The following PDZD2 variants were observed in gnomAD, a reference collection of about 807,000 sequenced individuals.
The protein encoded by PDZD2 is PDZ domain-containing protein 2.
A neutral mutation model predicts 220.7 loss-of-function variants in PDZD2; 90 were observed. The ratio of observed to expected loss-of-function variants is 0.41; its 90% CI spans 0.34 to 0.49. The LOEUF (loss-of-function observed/expected upper bound fraction) is 0.49, where lower values mean the gene tolerates loss of function less well. PDZD2 is among the 20% of genes least tolerant of loss of function. The pLI is 0.28. For synonymous variants in PDZD2, 1,375 were observed against 1,450.5 expected (o/e 0.95, Z 1.18); for missense variants, 3,174 against 3,608.5 (o/e 0.88, Z 3.08).
intron 2 of PDZD2, among the ~76,000 whole-genome samples, chr5:31,942,503 T>C (rs1044426984): frequency 6.6e-6 from 1 of 152,150 alleles, no homozygotes; most frequent in Non-Finnish European, 1.5e-5. Flanking sequence ...AAAGTTTCAC[T>C]CTATTGCCCA....
chr5:31,647,881 A>G (rs1001850798), intron 1 of PDZD2, among the ~76,000 whole-genome samples: 3 of 152,178 alleles, frequency 2.0e-5, no homozygotes, highest in Non-Finnish European at 2.9e-5. Context: ...CACAGCCAGG[A>G]GTTGGTAGAA....
chr5:31,657,877 A>G (rs1236775021), intron 1 of PDZD2, among the ~76,000 whole-genome samples: 1 of 152,202 alleles, frequency 6.6e-6, no homozygotes, highest in African/African-American at 2.4e-5. Context: ...ATGTACAGGA[A>G]AGATAATAGC....
chr5:31,746,618 C>A (rs1197554635), intron 1 of PDZD2, among the ~76,000 whole-genome samples: 1 of 152,190 alleles, frequency 6.6e-6, no homozygotes, highest in Non-Finnish European at 1.5e-5. Context: ...ACAACAGGAG[C>A]AAACAAGTAC....
intron 1 of PDZD2, among the ~76,000 whole-genome samples, chr5:31,772,429 A>G (rs1484251996): frequency 6.6e-6 from 1 of 152,212 alleles, no homozygotes; most frequent in Non-Finnish European, 1.5e-5. Context: ...CAGGAATAAG[A>G]ACCCCTTCCC....
rs1168595186 is a variant in PDZD2, at chr5:32,098,571, C to G, written c.8155C>G (p.Pro2719Ala). 1 of 1,614,072 alleles carries G rather than the reference C, an allele frequency of 6.2e-7. No individual in the cohort carries two copies. The highest frequency in any genetic ancestry group is 2.2e-5 in the East Asian group (1 of 44,880). The change falls in exon 23 of 25, where the codon CCT becomes GCT. Residue 2719 changes from proline to alanine, a missense_variant. Transcript: ENST00000438447. The surrounding 1 kb of genome is among the most constrained non-coding windows in gnomAD (Gnocchi z 4.1). ...DQPRPSARQE[P>A]PTANGKGLLS... ...GCCCAGGCCCTCTGCCCGGCAGGAG[C>G]CTCCCACAGCCAATGGGAAGGGTTT...
intron 2 of PDZD2, among the ~76,000 whole-genome samples, chr5:31,811,074 G>A (rs894957622): frequency 2.6e-5 from 4 of 152,054 alleles, no homozygotes; most frequent in South Asian, 2.1e-4. Flanking sequence ...TGCAACCTCC[G>A]CCTCCCGGCT....
At chr5:32,097,599 A>T (rs1489477991) in intron 22 of PDZD2, among the ~76,000 whole-genome samples, 1 of 152,228 alleles carries the variant, frequency 6.6e-6, no homozygotes. Context: ...GGCCATTTCC[A>T]ATCCCTATAA....
At chr5:31,684,769 C>T (rs541144442) in intron 1 of PDZD2, among the ~76,000 whole-genome samples, 37 of 152,110 alleles carry the variant, frequency 2.4e-4, no homozygotes, top group Non-Finnish European at 4.4e-4. Context: ...CTCATTTCAA[C>T]CTTAGGGTCT....
At chr5:31,966,850 T>G (rs947141075) in intron 2 of PDZD2, among the ~76,000 whole-genome samples, 2 of 152,066 alleles carry the variant, frequency 1.3e-5, no homozygotes, top group African/African-American at 4.8e-5. Flanking sequence ...TTAGGGGACT[T>G]GCCGGCCCCA....
chr5:31,802,478 G>T (rs1414223030), intron 2 of PDZD2, among the ~76,000 whole-genome samples: 1 of 152,046 alleles, frequency 6.6e-6, no homozygotes, highest in African/African-American at 2.4e-5. Context: ...GTGACCTCTT[G>T]GTATCTGGAC....
chr5:31,763,587 GAGA>G (rs1388820948), intron 1 of PDZD2, among the ~76,000 whole-genome samples: 6 of 152,162 alleles, frequency 3.9e-5, no homozygotes, highest in Admixed American at 2.0e-4. Context: ...GTGGAACATT[GAGA>G]AGAAGAGACT....
chr5:31,890,398 C>A (rs1202241904), intron 2 of PDZD2, among the ~76,000 whole-genome samples: 1 of 152,134 alleles, frequency 6.6e-6, no homozygotes, highest in Non-Finnish European at 1.5e-5. Flanking sequence ...TGCAAAATAA[C>A]TCTTTAACCC....
At chr5:31,825,041 G>A (rs954690229) in intron 2 of PDZD2, among the ~76,000 whole-genome samples, 1 of 152,062 alleles carries the variant, frequency 6.6e-6, no homozygotes, top group Non-Finnish European at 1.5e-5. Context: ...CACTGGCCCT[G>A]TCTCCCTACA....
intron 2 of PDZD2, among the ~76,000 whole-genome samples, chr5:31,899,221 C>G (rs1741866624): frequency 6.6e-6 from 1 of 152,152 alleles, no homozygotes; most frequent in Non-Finnish European, 1.5e-5. Flanking sequence ...ACATCCGCCT[C>G]CTGGGTTCAA....
chr5:32,055,074 C>G (rs564293963), intron 10 of PDZD2, among the ~76,000 whole-genome samples: 61 of 152,230 alleles, frequency 4.0e-4, no homozygotes, highest in African/African-American at 1.4e-3. Flanking sequence ...GATAGAATAT[C>G]TAGAATAGAT....
chr5:31,702,432 C>A (rs1747646364), intron 1 of PDZD2, among the ~76,000 whole-genome samples: 1 of 152,200 alleles, frequency 6.6e-6, no homozygotes, highest in African/African-American at 2.4e-5. Flanking sequence ...CAGTCCGATT[C>A]TCCCTTTATT....
At chr5:31,683,454 A>T (rs1001088725) in intron 1 of PDZD2, among the ~76,000 whole-genome samples, 5 of 152,184 alleles carry the variant, frequency 3.3e-5, no homozygotes, top group African/African-American at 1.2e-4. Context: ...TGGTTTTTTT[A>T]AATGGAAAAT....
At chr5:31,919,708 AAAAAAAAAAGG>A (rs1405186952) in intron 2 of PDZD2, among the ~76,000 whole-genome samples, 1 of 2,416 alleles carries the variant, frequency 4.1e-4, no homozygotes, top group East Asian at 0.12. Context: ...ATTGATAAAG[AAAAAAAAAAGG>A]AAAAAAAAAA....
At chr5:31,974,087 T>C (rs1367801792) in intron 2 of PDZD2, among the ~76,000 whole-genome samples, 2 of 152,192 alleles carry the variant, frequency 1.3e-5, no homozygotes, top group African/African-American at 4.8e-5. Flanking sequence ...CTCAAGCAAT[T>C]CTCCTGTTTC....
Sources: gnomAD v4.1 joint callset for allele counts (sites outside exome capture counted in the v4.1 genomes callset) on GRCh38, gnomAD v4.1.1 for gene constraint, Gnocchi (gnomAD v3.1) non-coding constraint, MANE v1.5 for transcripts, NCBI Gene and HGNC (gene_info 2026-07-23, HGNC 2026-07-21) for gene names.